CPLANE1: variants seen among roughly 807,000 people sequenced by gnomAD.
CPLANE1 encodes the protein ciliogenesis and planar polarity effector 1.
A neutral mutation model predicts 362.5 loss-of-function variants in CPLANE1; 263 were observed. That is an observed-to-expected ratio of 0.73 (90% CI 0.66 to 0.80). The LOEUF (loss-of-function observed/expected upper bound fraction) is 0.80. Ranked by LOEUF, CPLANE1 falls within the 30% of genes least tolerant of loss-of-function variation. The pLI is 0.00. For synonymous variants in CPLANE1, 1,212 were observed against 1,302.6 expected, an observed-to-expected ratio of 0.93 and a Z score of 1.50; for missense variants, 3,461 against 3,793.4, an observed-to-expected ratio of 0.91 and a Z score of 2.30.
In CPLANE1 at chr5:37,224,532, C is replaced by A; in HGVS notation, c.2500G>T (p.Gly834Trp). 1.3e-6 allele frequency: 2 copies of A among 1,537,626 alleles called. No homozygotes were observed. Among genetic ancestry groups the A allele is most frequent in the South Asian group, 2.4e-5 (2 of 83,584 alleles). The change falls in exon 13 of 53, where the codon GGG becomes TGG. Residue 834 changes from glycine to tryptophan, a missense_variant and splice_region_variant. Gly to Trp is a radical substitution (Grantham distance 184). Around this residue, in one of 2 missense-constraint regions of CPLANE1, gnomAD observed 3,380 missense variants for 3,666.1 expected, o/e 0.92. Coordinates refer to ENST00000651892, the MANE Select transcript of CPLANE1 (RefSeq NM_001384732.1). ...TAGAAAATATTCATAAGATACTGAC[C>A]ATTGATAGATTTAAGTTCTAAGGTT... ...NQTLELKSIN[G>W]EECFLLGSYE...
At position 37,108,445 on chromosome 5, in the gene CPLANE1, G is replaced by T. The variant is rs755197162; in HGVS notation, c.9427C>A (p.Gln3143Lys). ...KGSNAPCHSL[Q>K]HTKKHGSAGL... ...GCACTTCCATGTTTTTTTGTATGCT[G>T]CAGACTATGACACGGAGCATTAGAG... The change falls in exon 52 of 53, where the codon CAG (glutamine) becomes AAG (lysine). Residue 3143 changes from glutamine to lysine, a missense_variant. Gln to Lys is a moderately conservative substitution (Grantham distance 53, BLOSUM62 1). Around this residue, in one of 2 missense-constraint regions of CPLANE1, gnomAD observed 3,380 missense variants for 3,666.1 expected, o/e 0.92. Transcript: ENST00000651892. The T allele has an allele frequency of 1.9e-6, 3 of 1,614,042 alleles. No homozygotes were observed. Among genetic ancestry groups the T allele is most frequent in the East Asian group, 2.2e-5 (1 of 44,874 alleles).
chr5:37,162,684 AT>A (rs1184706836), intron 37 of CPLANE1, 118 bp from the exon 38 acceptor site: 31,888 of 486,458 alleles, frequency 0.066, no homozygotes, highest in South Asian at 0.096. Flanking sequence ...ATGTTATTAA[AT>A]TTTTTTTTTT....
At chr5:37,096,250 G>A in the CPLANE1 span, among the ~76,000 whole-genome samples, 12 of 151,698 alleles carry the variant, frequency 7.9e-5, no homozygotes, top group South Asian at 1.9e-3. Flanking sequence ...GAAGTAAACC[G>A]AAATACTTAC....
rs1255065055 is a variant in CPLANE1 at position 37,184,813 on chromosome 5, T to G, written c.4456A>C (p.Lys1486Gln). The change falls in exon 25 of 53, where the codon AAA becomes CAA. Residue 1486 changes from lysine to glutamine, a missense_variant. Physicochemically the swap from Lys to Gln is moderately conservative, Grantham distance 53. Around this residue, in one of 2 missense-constraint regions of CPLANE1, gnomAD observed 3,380 missense variants for 3,666.1 expected, o/e 0.92. Coordinates refer to ENST00000651892, the MANE Select transcript of CPLANE1 (RefSeq NM_001384732.1). ...TFSEALSVEE[K>Q]SRINIYQRNA... ...CTTTGATAGATATTTATCCTACTTT[T>G]TTCTTCAACCGACAAAGCTTCAGAG... 6.2e-7 allele frequency: 1 copy of G among 1,612,084 alleles called. No homozygotes were observed. Among genetic ancestry groups the G allele is most frequent in the East Asian group, 2.2e-5 (1 of 44,860 alleles).
chr5:37,208,229 G>A (rs1382638365), intron 16 of CPLANE1, among the ~76,000 whole-genome samples: 8 of 152,228 alleles, frequency 5.3e-5, no homozygotes, highest in Non-Finnish European at 7.3e-5. Flanking sequence ...ACAGGCATAG[G>A]CCAACATGCC....
chr5:37,082,912 G>A, the CPLANE1 span, among the ~76,000 whole-genome samples: 4 of 152,156 alleles, frequency 2.6e-5, no homozygotes, highest in Admixed American at 2.6e-4. Flanking sequence ...CGATCAGATG[G>A]ACAGAGCAGC....
chr5:37,211,157 A>T (rs895429412), intron 16 of CPLANE1: 29 of 1,252,546 alleles, frequency 2.3e-5, no homozygotes, highest in South Asian at 3.6e-5. Flanking sequence ...AACAGGAAAA[A>T]GTTCTAGCAG....
rs184233476 is a variant in CPLANE1 at position 37,113,624 on chromosome 5, T to G, written c.9400+1336A>C. ...ATAGATCTTCTAGAAAATACCGCCA[T>G]AGACATTAAAAAGTTGATAAATGAG... is the stretch of plus-strand genomic sequence containing the variant. On this transcript the variant is annotated intron_variant, in intron 51 of 52. Transcript: ENST00000651892. Among the ~76,000 whole-genome samples the G allele has an allele frequency of 2.1e-3, 327 of 152,152 alleles. 1 individual carries two copies. The highest frequency in any genetic ancestry group is 7.3e-3 in the African/African-American group (304 of 41,514).
intron 44 of CPLANE1, chr5:37,139,598 G>T: frequency 1.2e-6 from 1 of 810,604 alleles, no homozygotes; most frequent in Non-Finnish European, 1.6e-6. Context: ...TGTCACCCAG[G>T]CTAAGTGCAG....
Position 37,239,698 on chromosome 5 carries a change from C to A in CPLANE1, c.834+15G>T. The A allele has an allele frequency of 7.0e-7, 1 of 1,423,396 alleles. No individual in the cohort carries two copies. The highest frequency in any genetic ancestry group is 2.6e-5 in the Admixed American group (1 of 38,174). 88.2% of individuals were successfully genotyped at this position (1,423,396 alleles called of 1,614,324 possible). On this transcript the variant is annotated intron_variant, in intron 7 of 52. Coordinates refer to ENST00000651892, the MANE Select transcript of CPLANE1 (RefSeq NM_001384732.1). ...TTCTTTTATAGATTACTTTCTAAGA[C>A]AGATATTTACTGACCTTGGGGTCTT...
rs759802337 is a variant in CPLANE1 at position 37,125,431 on chromosome 5, A to G, written c.8793-22T>C. On this transcript the variant is annotated intron_variant, in intron 46 of 52. Transcript: ENST00000651892. ...AATTCTGAGAAATTTAACAAGCAAG[A>G]CATCATTTGCTTTTAAATTTGTTAA... 55 of 1,604,218 alleles carry G rather than the reference A, an allele frequency of 3.4e-5. No homozygotes were observed. The East Asian group carries it at 1.2e-3, about 36-fold the overall frequency.
At chr5:37,196,031 C>G (rs1488494466) in intron 20 of CPLANE1, 35 bp from the exon 21 acceptor site, 1 of 1,557,506 alleles carries the variant, frequency 6.4e-7, no homozygotes, top group South Asian at 1.2e-5. Flanking sequence ...TGTTAATTAT[C>G]AGCTGTATAA....
intron 7 of CPLANE1, 21 bp downstream of exon 7, chr5:37,239,692 C>A: frequency 7.1e-7 from 1 of 1,405,248 alleles, no homozygotes; most frequent in Non-Finnish European, 9.4e-7. Flanking sequence ...AGATTACTTT[C>A]TAAGACAGAT....
intron 23 of CPLANE1, among the ~76,000 whole-genome samples, chr5:37,186,814 C>G (rs951920590): frequency 1.3e-5 from 2 of 152,118 alleles, no homozygotes; most frequent in African/African-American, 2.4e-5. Flanking sequence ...AATCCCAGCA[C>G]TTTGGGAGGC....
At chr5:37,217,720 T>C (rs775642502) in intron 15 of CPLANE1, among the ~76,000 whole-genome samples, 2 of 151,856 alleles carry the variant, frequency 1.3e-5, no homozygotes, top group Non-Finnish European at 2.9e-5. Flanking sequence ...CTCATGCCTG[T>C]AATCCTAGCA....
At chr5:37,163,270 G>GT (rs1561456218) in intron 37 of CPLANE1, among the ~76,000 whole-genome samples, 2 of 152,188 alleles carry the variant, frequency 1.3e-5, no homozygotes, top group South Asian at 2.1e-4. Flanking sequence ...AGCAAAATAG[G>GT]TAAGAATTGG....
rs1289574396 is a variant in CPLANE1 at position 37,108,366 on chromosome 5, G to C, written c.9506C>G (p.Thr3169Ser). 6.2e-7 allele frequency: 1 copy of C among 1,614,152 alleles called. No individual in the cohort carries two copies. Among genetic ancestry groups the C allele is most frequent in the South Asian group, 1.1e-5 (1 of 91,086 alleles). The change falls in exon 52 of 53, where the codon ACT (threonine) becomes AGT (serine). Residue 3169 changes from threonine (T) to serine (S), a missense_variant. This residue lies in a region of CPLANE1 where 81 missense variants were observed against 127.3 expected (regional missense o/e 0.64). Transcript: ENST00000651892. ...QVCVEYEREE[T>S]VVSPWTIPSE... ...AGGTATCGTCCAGGGACTCACCACA[G>C]TCTCCTCTCTTTCATACTCTACACA... is the stretch of plus-strand genomic sequence containing the variant.
intron 46 of CPLANE1, among the ~76,000 whole-genome samples, chr5:37,132,021 T>C (rs944558828): frequency 2.0e-4 from 31 of 152,280 alleles, no homozygotes; most frequent in African/African-American, 6.5e-4. Flanking sequence ...ATCATTAACT[T>C]AACAAAACAA....
intron 14 of CPLANE1, among the ~76,000 whole-genome samples, chr5:37,223,304 T>C (rs569032141): frequency 2.0e-5 from 3 of 152,174 alleles, no homozygotes; most frequent in Middle Eastern, 3.4e-3. Context: ...AGACTGATGC[T>C]TGCACTCCAG....
Sources: allele counts gnomAD v4.1 joint callset (sites outside exome capture counted in the v4.1 genomes callset), GRCh38; gene constraint gnomAD v4.1.1; regional missense constraint gnomAD v4.1.1; transcripts MANE v1.5; gene names NCBI Gene and HGNC (gene_info 2026-07-23, HGNC 2026-07-21).